PDE4B: variants seen among roughly 807,000 people sequenced by gnomAD.
PDE4B encodes the protein 3',5'-cyclic-AMP phosphodiesterase 4B.
A neutral mutation model predicts 82.2 loss-of-function variants in PDE4B; 20 were observed. The observed-to-expected ratio is 0.24, with a 90% CI of 0.17 to 0.35. PDE4B has a LOEUF of 0.35. Ranked by LOEUF, PDE4B falls within the 10% of genes least tolerant of loss-of-function variation. The pLI is 1.00. For missense variants in PDE4B, 655 were observed against 907.2 expected (o/e 0.72, Z 3.57); for synonymous variants, 320 against 318.9 (o/e 1.00, Z -0.04).
rs138827342 is a variant in PDE4B at position 66,298,309 on chromosome 1, G to C, written c.634+32222G>C. Among the ~76,000 whole-genome samples the C allele has an allele frequency of 5.0e-3, 757 of 152,222 alleles. 6 individuals carry two copies. The highest frequency in any genetic ancestry group is 0.017 in the African/African-American group (723 of 41,540). ...AAAACATTTTGGTAAGTGGAAATGGGAGAAAAGGAAGCTTGCCTGACTACC... is the reference window on the plus strand; with the variant it reads ...AAAACATTTTGGTAAGTGGAAATGGCAGAAAAGGAAGCTTGCCTGACTACC... On this transcript the variant is annotated intron_variant, in intron 7 of 16. Coordinates refer to ENST00000341517, the MANE Select transcript of PDE4B (RefSeq NM_002600.4).
rs1645838763 is a variant in PDE4B at position 65,813,103 on chromosome 1, A to G, written c.-71+19855A>G. The stretch of plus-strand genomic sequence containing the variant: ...TACCGAGGGAGTTCAGGAATGAGGT[A>G]TTGAGGGTTTGGTTTATTAGCTGCT... On this transcript the variant is annotated intron_variant, in intron 1 of 16. Coordinates refer to ENST00000341517, the MANE Select transcript of PDE4B (RefSeq NM_002600.4). Among the ~76,000 whole-genome samples the G allele has an allele frequency of 2.6e-5, 4 of 152,186 alleles. No individual in the cohort carries two copies. In the South Asian group the frequency reaches 6.2e-4, roughly 24 times the overall value.
intron 7 of PDE4B, among the ~76,000 whole-genome samples, chr1:66,318,374 T>A (rs539705324): frequency 6.6e-6 from 1 of 152,316 alleles, no homozygotes; most frequent in East Asian, 1.9e-4. Context: ...AAAAATAAAG[T>A]TAAGCCAATC....
intron 8 of PDE4B, among the ~76,000 whole-genome samples, chr1:66,336,024 C>T (rs1218151444): frequency 6.6e-6 from 1 of 152,150 alleles, no homozygotes; most frequent in Non-Finnish European, 1.5e-5. Flanking sequence ...AAAAGAGGAA[C>T]GGAAAGAGAA....
At chr1:66,034,991 A>AT (rs1653989726) in intron 3 of PDE4B, among the ~76,000 whole-genome samples, 1 of 152,146 alleles carries the variant, frequency 6.6e-6, no homozygotes, top group Non-Finnish European at 1.5e-5. Context: ...CTCTCCCAGT[A>AT]TCAATATTCT....
At chr1:66,359,976 T>G (rs1200687193) in intron 9 of PDE4B, among the ~76,000 whole-genome samples, 2 of 152,146 alleles carry the variant, frequency 1.3e-5, no homozygotes, top group African/African-American at 4.8e-5. Flanking sequence ...CTTGGGCAAG[T>G]TGCTGACTTC....
chr1:65,808,691 G>T (rs1474268635), intron 1 of PDE4B, among the ~76,000 whole-genome samples: 1 of 152,198 alleles, frequency 6.6e-6, no homozygotes, highest in Non-Finnish European at 1.5e-5. Flanking sequence ...GATGTGGTGG[G>T]ACCTGACAAG....
intron 3 of PDE4B, among the ~76,000 whole-genome samples, chr1:66,187,166 C>A (rs186137309): frequency 6.6e-6 from 1 of 152,268 alleles, no homozygotes; most frequent in East Asian, 1.9e-4. Flanking sequence ...ACCAGCCTTG[C>A]ATCCCAGGGA....
intron 7 of PDE4B, among the ~76,000 whole-genome samples, chr1:66,287,589 C>A (rs774419563): frequency 6.6e-6 from 1 of 152,140 alleles, no homozygotes; most frequent in Non-Finnish European, 1.5e-5. Flanking sequence ...CTTGCCTGGG[C>A]CCAAATTCTG....
intron 3 of PDE4B, among the ~76,000 whole-genome samples, chr1:65,961,120 G>A (rs111839903): frequency 2.6e-5 from 4 of 152,152 alleles, no homozygotes; most frequent in African/African-American, 9.6e-5. Flanking sequence ...TCACACATAG[G>A]TAGGATGTTT....
intron 8 of PDE4B, among the ~76,000 whole-genome samples, chr1:66,341,075 A>G (rs1001506729): frequency 1.3e-5 from 2 of 152,200 alleles, no homozygotes; most frequent in Admixed American, 6.5e-5. Context: ...AGAGAGCCTT[A>G]AGTATTATTT....
intron 3 of PDE4B, among the ~76,000 whole-genome samples, chr1:66,129,262 A>G (rs1645884953): frequency 6.6e-6 from 1 of 152,220 alleles, no homozygotes; most frequent in Admixed American, 6.5e-5. Context: ...GAAATAGAAA[A>G]CAAGATAACA....
intron 3 of PDE4B, among the ~76,000 whole-genome samples, chr1:66,246,124 G>A (rs1653293494): frequency 6.6e-6 from 1 of 152,208 alleles, no homozygotes; most frequent in Admixed American, 6.5e-5. Context: ...CAAGACATGA[G>A]TCTTCCAATT....
At chr1:66,023,756 A>T (rs1222551785) in intron 3 of PDE4B, among the ~76,000 whole-genome samples, 1 of 152,162 alleles carries the variant, frequency 6.6e-6, no homozygotes, top group African/African-American at 2.4e-5. Context: ...TTATGTAGTA[A>T]AAAGAGTAAT....
chr1:66,063,208 A>G (rs1484112875), intron 3 of PDE4B, among the ~76,000 whole-genome samples: 1 of 152,058 alleles, frequency 6.6e-6, no homozygotes, highest in Non-Finnish European at 1.5e-5. Flanking sequence ...CAAAGATGGG[A>G]GTTTGTCTCT....
intron 3 of PDE4B, 46 bp from the exon 4 acceptor site, chr1:66,247,414 C>T (rs776026029): frequency 1.5e-6 from 2 of 1,372,874 alleles, no homozygotes; most frequent in Non-Finnish European, 2.0e-6. Context: ...TATGTGTCCT[C>T]CTCCATGGTT....
chr1:65,878,037 A>G (rs1433385030), intron 1 of PDE4B, among the ~76,000 whole-genome samples: 2 of 151,984 alleles, frequency 1.3e-5, no homozygotes, highest in Admixed American at 6.6e-5. Context: ...ACAAATTTAC[A>G]AGAAAAAAAA....
intron 1 of PDE4B, among the ~76,000 whole-genome samples, chr1:65,874,276 A>C (rs1022482068): frequency 1.7e-4 from 26 of 152,086 alleles, no homozygotes; most frequent in African/African-American, 6.3e-4. Flanking sequence ...TTGTATCCTG[A>C]GACTTTGCTG....
chr1:66,273,475 A>G (rs1261537948), intron 7 of PDE4B, among the ~76,000 whole-genome samples: 1 of 152,278 alleles, frequency 6.6e-6, no homozygotes, highest in East Asian at 1.9e-4. Context: ...TACTATGTGC[A>G]TAGGAAATAC....
intron 3 of PDE4B, among the ~76,000 whole-genome samples, chr1:65,939,952 G>C (rs1648353821): frequency 1.3e-5 from 2 of 152,060 alleles, no homozygotes; most frequent in African/African-American, 4.8e-5. Context: ...ATTTGATAAA[G>C]GCATGAGTTT....
Sources: allele counts gnomAD v4.1 joint callset (sites outside exome capture counted in the v4.1 genomes callset), GRCh38; gene constraint gnomAD v4.1.1; transcripts MANE v1.5; gene names NCBI Gene and HGNC (gene_info 2026-07-23, HGNC 2026-07-21).